STPG2: variants seen among roughly 807,000 people sequenced by gnomAD.
STPG2 encodes the protein sperm-tail PG-rich repeat-containing protein 2.
In STPG2, 56 loss-of-function variants were observed where a neutral mutation model predicts 54.2. The observed-to-expected ratio is 1.03, with a 90% confidence interval of 0.83 to 1.29. STPG2 has a LOEUF of 1.29. Ranked by LOEUF, STPG2 falls within the 50% of genes most tolerant of loss-of-function variation. The probability of loss-of-function intolerance (pLI) is 0.00; values close to 1 mark genes in which losing one functional copy is unlikely to be tolerated. For synonymous variants in STPG2, 200 were observed against 181.8 expected (o/e 1.10, Z -0.81); for missense variants, 596 against 544.9 (o/e 1.09, Z -0.93).
chr4:98,060,386 A>G (rs1737608007), intron 5 of STPG2, among the ~76,000 whole-genome samples: 1 of 151,490 alleles, frequency 6.6e-6, no homozygotes, highest in Non-Finnish European at 1.5e-5. Flanking sequence ...CTACAATGAG[A>G]GCTACAAACA....
At chr4:97,588,335 C>A (rs946061559) in intron 10 of STPG2, among the ~76,000 whole-genome samples, 7 of 151,856 alleles carry the variant, frequency 4.6e-5, no homozygotes, top group Admixed American at 3.3e-4. Flanking sequence ...CCAAGGAAAG[C>A]TTATTTATAT....
chr4:98,141,450 C>T (rs1207639040), intron 1 of STPG2, among the ~76,000 whole-genome samples: 1 of 152,184 alleles, frequency 6.6e-6, no homozygotes, highest in African/African-American at 2.4e-5. Flanking sequence ...TTCCTCTGCA[C>T]AACAAAACTT....
At chr4:98,092,349 G>A (rs1172844158) in intron 5 of STPG2, among the ~76,000 whole-genome samples, 4 of 151,946 alleles carry the variant, frequency 2.6e-5, no homozygotes, top group Admixed American at 6.6e-5. Context: ...ATTTAGGTTT[G>A]GGGGGAAAAG....
chr4:97,492,474 T>A (rs1465651505), intron 4 of STPG2, among the ~76,000 whole-genome samples: 1 of 151,542 alleles, frequency 6.6e-6, no homozygotes, highest in Non-Finnish European at 1.5e-5. Context: ...ACATGCAAGT[T>A]TAATTTTTCC....
At chr4:97,891,426 T>A (rs1730765951) in intron 8 of STPG2, among the ~76,000 whole-genome samples, 1 of 152,090 alleles carries the variant, frequency 6.6e-6, no homozygotes, top group African/African-American at 2.4e-5. Context: ...TATCTCTCAC[T>A]TTTCATATAT....
chr4:97,839,774 C>G (rs899470176), intron 9 of STPG2, among the ~76,000 whole-genome samples: 1 of 151,678 alleles, frequency 6.6e-6, no homozygotes, highest in Non-Finnish European at 1.5e-5. Context: ...AAGCAAACCT[C>G]TGGATCTCAG....
At chr4:97,974,030 G>C (rs544090370) in intron 6 of STPG2, among the ~76,000 whole-genome samples, 1 of 152,282 alleles carries the variant, frequency 6.6e-6, no homozygotes, top group East Asian at 1.9e-4. Flanking sequence ...CAAAACACCA[G>C]CCCATGAAAG....
At chr4:97,595,445 G>C (rs1481432705) in intron 10 of STPG2, among the ~76,000 whole-genome samples, 1 of 151,934 alleles carries the variant, frequency 6.6e-6, no homozygotes, top group Non-Finnish European at 1.5e-5. Context: ...ACCGGGGCCT[G>C]TCATGGGGTA....
chr4:97,656,263 A>G (rs1269731289), intron 10 of STPG2, among the ~76,000 whole-genome samples: 1 of 152,062 alleles, frequency 6.6e-6, no homozygotes, highest in East Asian at 1.9e-4. Flanking sequence ...GACTAACACC[A>G]TTTGCCCAAG....
At chr4:98,016,325 ATTC>A in intron 5 of STPG2, among the ~76,000 whole-genome samples, 2 of 152,286 alleles carry the variant, frequency 1.3e-5, no homozygotes, top group East Asian at 3.9e-4. Context: ...AAATTCAGGA[ATTC>A]TTCTGTAGTT....
At chr4:97,702,705 C>T (rs1417111877) in intron 10 of STPG2, among the ~76,000 whole-genome samples, 2 of 152,094 alleles carry the variant, frequency 1.3e-5, no homozygotes, top group Non-Finnish European at 1.5e-5. Context: ...GGCAAAAAAG[C>T]TTCACCAGAG....
intron 5 of STPG2, among the ~76,000 whole-genome samples, chr4:98,086,910 T>C (rs971382859): frequency 1.3e-5 from 2 of 152,210 alleles, no homozygotes; most frequent in Admixed American, 6.5e-5. Context: ...ATCTATAACA[T>C]ACTATTTTGT....
At chr4:97,598,069 CA>C (rs1733346923) in intron 10 of STPG2, among the ~76,000 whole-genome samples, 1 of 151,574 alleles carries the variant, frequency 6.6e-6, no homozygotes, top group African/African-American at 2.4e-5. Flanking sequence ...TGTACAAAAT[CA>C]GTAGCATTCT....
intron 9 of STPG2, among the ~76,000 whole-genome samples, chr4:97,738,812 A>G (rs1197022671): frequency 6.6e-6 from 1 of 152,148 alleles, no homozygotes; most frequent in African/African-American, 2.4e-5. Context: ...ACAAGACAGA[A>G]AGTCAACAAG....
At chr4:98,095,417 C>T (rs1026533584) in intron 5 of STPG2, among the ~76,000 whole-genome samples, 40 of 151,908 alleles carry the variant, frequency 2.6e-4, no homozygotes, top group South Asian at 2.1e-4. Context: ...GTTATGCTGC[C>T]GACAAGAAAC....
intron 8 of STPG2, among the ~76,000 whole-genome samples, chr4:97,869,453 C>G (rs571480283): frequency 1.3e-5 from 2 of 151,610 alleles, no homozygotes; most frequent in East Asian, 3.9e-4. Flanking sequence ...AACAGATAAG[C>G]TTTTGACATT....
At chr4:97,877,937 TA>T (rs1361365849) in intron 8 of STPG2, among the ~76,000 whole-genome samples, 1 of 152,124 alleles carries the variant, frequency 6.6e-6, no homozygotes, top group Middle Eastern at 3.2e-3. Flanking sequence ...ACTTCCTAGA[TA>T]AAATAGAGGT....
chr4:97,766,246 G>T (rs1726046641), intron 9 of STPG2, among the ~76,000 whole-genome samples: 1 of 151,966 alleles, frequency 6.6e-6, no homozygotes, highest in African/African-American at 2.4e-5. Context: ...TTCTGTTCTT[G>T]TTCAACCATT....
rs533503265 is a variant in STPG2 at position 97,510,457 on chromosome 4, A to C, written c.462+202242T>G. ...TGTGTGGTAGTGTGTAGATAACTGC[A>C]AATCATTGATTCATTCACATGTACA... On this transcript the variant is annotated intron_variant, in intron 4 of 4. Coordinates refer to the STPG2 transcript ENST00000522676. Among the ~76,000 whole-genome samples the C allele has an allele frequency of 3.9e-5, 6 of 152,084 alleles. No individual in the cohort carries two copies. In the East Asian group the frequency reaches 1.2e-3, roughly 30 times the overall value.
Sources: allele counts gnomAD v4.1 joint callset (sites outside exome capture counted in the v4.1 genomes callset), GRCh38; gene constraint gnomAD v4.1.1; transcripts MANE v1.5; gene names NCBI Gene and HGNC (gene_info 2026-07-23, HGNC 2026-07-21).